Variants in SLC27A6 observed in about 807,000 individuals in gnomAD.
SLC27A6 encodes the protein long-chain fatty acid transport protein 6.
In SLC27A6, 74 loss-of-function variants were observed where a neutral mutation model predicts 63.9. The observed-to-expected ratio is 1.16, with a 90% CI of 0.96 to 1.40. The LOEUF (loss-of-function observed/expected upper bound fraction) is 1.40, where lower values mean the gene tolerates loss of function less well. Among genes scored for constraint, SLC27A6 ranks in the 40% most tolerant of loss-of-function variants. The pLI is 0.00. For synonymous variants in SLC27A6, 287 were observed against 260.8 expected (o/e 1.10, Z -0.97); for missense variants, 794 against 732.9 (o/e 1.08, Z -0.96).
intron 1 of SLC27A6, among the ~76,000 whole-genome samples, chr5:128,967,360 TA>T (rs2150124641): frequency 6.6e-6 from 1 of 152,262 alleles, no homozygotes; most frequent in East Asian, 1.9e-4. Context: ...CTTAATGAAA[TA>T]GAAGTGAAAT....
At chr5:128,994,484 C>T (rs1199218980) in intron 4 of SLC27A6, among the ~76,000 whole-genome samples, 1 of 152,038 alleles carries the variant, frequency 6.6e-6, no homozygotes, top group Non-Finnish European at 1.5e-5. Flanking sequence ...TTTTGCTGTC[C>T]AATATTCCTT....
chr5:128,966,675 C>CT, intron 1 of SLC27A6, 57 bp downstream of exon 1: 1 of 1,372,160 alleles, frequency 7.3e-7, no homozygotes, highest in Non-Finnish European at 9.4e-7. Flanking sequence ...GCTTTCATAC[C>CT]CTTTTTTTTT....
chr5:129,002,082 G>A (rs994981651), intron 4 of SLC27A6, among the ~76,000 whole-genome samples: 12 of 152,170 alleles, frequency 7.9e-5, no homozygotes, highest in African/African-American at 2.9e-4. Flanking sequence ...GGTCCTGAAA[G>A]CTAGAGGGAA....
intron 9 of SLC27A6, among the ~76,000 whole-genome samples, chr5:129,031,729 A>G (rs1752421768): frequency 6.6e-6 from 1 of 152,032 alleles, no homozygotes; most frequent in Non-Finnish European, 1.5e-5. Flanking sequence ...TTCTAAGTTC[A>G]ATTTTGAAGA....
At chr5:129,011,258 T>C (rs1266133773) in intron 4 of SLC27A6, among the ~76,000 whole-genome samples, 1 of 152,232 alleles carries the variant, frequency 6.6e-6, no homozygotes, top group Admixed American at 6.5e-5. Context: ...CTCCTGCCCA[T>C]GGTCTATGAC....
At chr5:128,975,245 G>T (rs1750336636) in intron 1 of SLC27A6, among the ~76,000 whole-genome samples, 1 of 152,176 alleles carries the variant, frequency 6.6e-6, no homozygotes, top group Admixed American at 6.5e-5. Context: ...CAGCTACTTG[G>T]GAAGCTGAGG....
chr5:129,011,773 G>T (rs1751735169), intron 4 of SLC27A6, among the ~76,000 whole-genome samples: 1 of 152,040 alleles, frequency 6.6e-6, no homozygotes, highest in African/African-American at 2.4e-5. Flanking sequence ...TGATAAACCT[G>T]CCCTTTCTTT....
Position 128,998,272 on chromosome 5 carries a change from G to A in SLC27A6, c.969+7808G>A, listed in dbSNP as rs116122142. The stretch of plus-strand genomic sequence containing the variant: ...TCACCACTGCCCTCCAACAGCTTGG[G>A]TGACAGAGCAAGACCTTGTTTCAAA... On this transcript the variant is annotated intron_variant, in intron 4 of 9. Coordinates refer to ENST00000262462, the MANE Select transcript of SLC27A6 (RefSeq NM_001017372.3). 2.7e-3 allele frequency among the ~76,000 whole-genome samples: 415 copies of A among 152,030 alleles called. 1 individual carries two copies. The highest frequency in any genetic ancestry group is 9.4e-3 in the African/African-American group (391 of 41,450).
chr5:129,022,793 G>A (rs1030382608), intron 5 of SLC27A6, among the ~76,000 whole-genome samples: 7 of 152,142 alleles, frequency 4.6e-5, no homozygotes, highest in African/African-American at 1.4e-4. Flanking sequence ...TCACTGCACT[G>A]TAGCCTGGGT....
chr5:129,000,203 T>C (rs987050944), intron 4 of SLC27A6, among the ~76,000 whole-genome samples: 5 of 152,208 alleles, frequency 3.3e-5, no homozygotes, highest in African/African-American at 9.6e-5. Context: ...GTCTTCTTCA[T>C]GAAAGTGTCT....
chr5:129,027,274 T>C lies in SLC27A6; in HGVS notation c.1397T>C (p.Ile466Thr). ...GDVYLNTGDL[I>T]VQDQDNFLYF... Reference sequence around the variant, plus strand: ...GTTTACCTTAATACTGGAGACTTAATAGTCCAGGATCAGGACAATTTCCTT... The same window carrying C: ...GTTTACCTTAATACTGGAGACTTAACAGTCCAGGATCAGGACAATTTCCTT... The change falls in exon 7 of 10, where the codon ATA becomes ACA. Residue 466 changes from isoleucine (I) to threonine (T), a missense_variant. By Grantham distance (89) the Ile-to-Thr change is moderately conservative. Coordinates refer to ENST00000262462, the MANE Select transcript of SLC27A6 (RefSeq NM_001017372.3). The C allele has an allele frequency of 6.2e-7, 1 of 1,613,282 alleles. No individual in the cohort carries two copies. Among genetic ancestry groups the C allele is most frequent in the Non-Finnish European group, 8.5e-7 (1 of 1,179,354 alleles).
rs184896277 is a variant in SLC27A6 at position 128,991,928 on chromosome 5, T to C, written c.969+1464T>C. Among the ~76,000 whole-genome samples the C allele has an allele frequency of 5.3e-5, 8 of 151,946 alleles. 1 individual carries two copies. The highest frequency in any genetic ancestry group is 4.1e-4 in the South Asian group (2 of 4,828). On this transcript the variant is annotated intron_variant, in intron 4 of 9. Coordinates refer to ENST00000262462, the MANE Select transcript of SLC27A6 (RefSeq NM_001017372.3). ...TCCTGCTTTCGTTTATCTCTCCAAA[T>C]GCTTCTTCTTTAACTTTATGATTTT...
rs915009296 is a variant in SLC27A6 at position 129,001,892 on chromosome 5, C to T, written c.969+11428C>T. On this transcript the variant is annotated intron_variant, in intron 4 of 9. Transcript: ENST00000262462. ...GGCATTGTTAGAGGCCTGAGTATTT[C>T]GGGAAATGAATAAATAAATTCTTGA... Among the ~76,000 whole-genome samples, 8 of 152,090 alleles carry T rather than the reference C, an allele frequency of 5.3e-5. No individual in the cohort carries two copies. The East Asian group carries it at 9.6e-4, about 18-fold the overall frequency.
At chr5:129,015,148 A>G (rs1294995502) in intron 4 of SLC27A6, among the ~76,000 whole-genome samples, 2 of 152,156 alleles carry the variant, frequency 1.3e-5, no homozygotes, top group Non-Finnish European at 2.9e-5. Context: ...TTGTGACTAC[A>G]CTGATAATAT....
At position 128,966,760 on chromosome 5, in the gene SLC27A6, T is replaced by C; in HGVS notation, c.481+142T>C. 4 of 892,322 alleles carry C rather than the reference T, an allele frequency of 4.5e-6. No homozygotes were observed. The Middle Eastern group carries it at 1.5e-3, about 330-fold the overall frequency. 55.3% of individuals were successfully genotyped at this position (892,322 alleles called of 1,614,324 possible). On this transcript the variant is annotated intron_variant, in intron 1 of 9. Transcript: ENST00000262462. The stretch of plus-strand genomic sequence containing the variant: ...TTAAGAGTACAAAATAGTTTTATGA[T>C]TCTATGCTGGTTTAACAACTGTCTC...
chr5:128,976,275 A>G (rs1009798448), intron 1 of SLC27A6, among the ~76,000 whole-genome samples: 1 of 152,302 alleles, frequency 6.6e-6, no homozygotes, highest in African/African-American at 2.4e-5. Context: ...TTCAGAGGCC[A>G]AGGCAGGTGG....
At chr5:129,010,844 C>G (rs1328717005) in intron 4 of SLC27A6, among the ~76,000 whole-genome samples, 1 of 152,112 alleles carries the variant, frequency 6.6e-6, no homozygotes, top group Non-Finnish European at 1.5e-5. Flanking sequence ...CCTAGCCAGT[C>G]AACACTTTCA....
chr5:129,026,411 C>G (rs537154604), intron 6 of SLC27A6, among the ~76,000 whole-genome samples: 3 of 152,214 alleles, frequency 2.0e-5, no homozygotes, highest in Admixed American at 2.0e-4. Flanking sequence ...ATAACTGAAA[C>G]TAATAAGTAT....
chr5:128,991,845 C>T, intron 4 of SLC27A6, among the ~76,000 whole-genome samples: 1 of 151,852 alleles, frequency 6.6e-6, no homozygotes. Flanking sequence ...TTGCAATAGC[C>T]TGAAGTTTAT....
Sources: gnomAD v4.1 joint callset for allele counts (sites outside exome capture counted in the v4.1 genomes callset) on GRCh38, gnomAD v4.1.1 for gene constraint, MANE v1.5 for transcripts, NCBI Gene and HGNC (gene_info 2026-07-23, HGNC 2026-07-21) for gene names.